Variants in MAML2 observed in about 807,000 individuals in gnomAD.
The protein encoded by MAML2 is mastermind-like protein 2.
In MAML2, 22 loss-of-function variants were observed where a neutral mutation model predicts 96.1. That is an observed-to-expected ratio of 0.23 (90% CI 0.16 to 0.33). The LOEUF is 0.33. Ranked by LOEUF, MAML2 falls within the 10% of genes least tolerant of loss-of-function variation. The pLI, the probability that MAML2 is intolerant of heterozygous loss-of-function variation, is 1.00. For synonymous variants in MAML2, 561 were observed against 521.3 expected (o/e 1.08, Z -1.04); for missense variants, 1,367 against 1,392.4 (o/e 0.98, Z 0.29).
intron 2 of MAML2, among the ~76,000 whole-genome samples, chr11:96,084,776 C>T (rs958621870): frequency 3.9e-5 from 6 of 152,178 alleles, no homozygotes; most frequent in African/African-American, 1.4e-4. Flanking sequence ...ACACACACTC[C>T]TGTGCTCACC....
At chr11:96,169,773 GC>G (rs1389017916) in intron 1 of MAML2, among the ~76,000 whole-genome samples, 3 of 151,488 alleles carry the variant, frequency 2.0e-5, no homozygotes, top group African/African-American at 7.3e-5. Context: ...TCCTGCCTCA[GC>G]CTCCTGAGTA....
chr11:96,187,948 C>G (rs1351631679), intron 1 of MAML2, among the ~76,000 whole-genome samples: 5 of 152,214 alleles, frequency 3.3e-5, no homozygotes, highest in Non-Finnish European at 7.3e-5. Flanking sequence ...CATACTGATT[C>G]ATTCGGCTGG....
Position 96,092,575 on chromosome 11 carries a change from C to T in MAML2, c.1456G>A (p.Gly486Ser). The T allele has an allele frequency of 6.2e-7, 1 of 1,607,538 alleles. No individual in the cohort carries two copies. Among genetic ancestry groups the T allele is most frequent in the Non-Finnish European group, 8.5e-7 (1 of 1,175,320 alleles). The change falls in exon 2 of 5, where the codon GGT becomes AGT. Residue 486 changes from glycine (G) to serine (S), a missense_variant. Transcript: ENST00000524717. This position sits in a 1 kb window ranked among gnomAD's most constrained non-coding sequence, Gnocchi z 4.1. The part of the protein sequence containing the change: ...GQEKIPSPSF[G>S]QQTFSPQSSP... ...CTCTGTGGGCTGAATGTCTGCTGAC[C>T]AAAAGAAGGGCTGGGGATTTTCTCC...
chr11:96,160,187 G>A (rs1192032696), intron 1 of MAML2, among the ~76,000 whole-genome samples: 1 of 152,174 alleles, frequency 6.6e-6, no homozygotes, highest in African/African-American at 2.4e-5. Flanking sequence ...ATGTTTAGAT[G>A]ATCTCACAGA....
intron 1 of MAML2, among the ~76,000 whole-genome samples, chr11:96,293,112 A>G (rs1314931495): frequency 6.6e-6 from 1 of 152,232 alleles, no homozygotes; most frequent in Non-Finnish European, 1.5e-5. Flanking sequence ...AACAACAGCT[A>G]TAAAGTCATG....
intron 1 of MAML2, among the ~76,000 whole-genome samples, chr11:96,252,259 A>G (rs1329032592): frequency 2.6e-5 from 4 of 152,126 alleles, no homozygotes; most frequent in African/African-American, 9.7e-5. Context: ...CTGAAAATGT[A>G]CTACACATTT....
At chr11:96,124,705 CAG>C (rs370542165) in intron 1 of MAML2, among the ~76,000 whole-genome samples, 8 of 150,618 alleles carry the variant, frequency 5.3e-5, no homozygotes, top group Non-Finnish European at 4.4e-5. Flanking sequence ...GTGTGTGAGA[CAG>C]AGAGAGAGAG....
chr11:96,040,979 G>A (rs147754549), intron 2 of MAML2, among the ~76,000 whole-genome samples: 6 of 152,314 alleles, frequency 3.9e-5, no homozygotes, highest in African/African-American at 1.4e-4. Flanking sequence ...GTTGTTGCAT[G>A]TAGTTGTAGA....
At chr11:96,222,323 A>C (rs1196347359) in intron 1 of MAML2, among the ~76,000 whole-genome samples, 2 of 152,220 alleles carry the variant, frequency 1.3e-5, no homozygotes, top group African/African-American at 4.8e-5. Flanking sequence ...ACTGCACAGC[A>C]CTAGCAGTCA....
chr11:96,323,347 G>C (rs114805209), intron 1 of MAML2, among the ~76,000 whole-genome samples: 146 of 152,170 alleles, frequency 9.6e-4, no homozygotes, highest in African/African-American at 3.3e-3. Flanking sequence ...TCTAGCCAAA[G>C]AGAATTTCCC....
chr11:96,113,498 C>G (rs532601548), intron 1 of MAML2, among the ~76,000 whole-genome samples: 9 of 151,442 alleles, frequency 5.9e-5, no homozygotes, highest in African/African-American at 2.2e-4. Flanking sequence ...ACCAGCTTCC[C>G]TGAAGTAGAT....
chr11:96,043,600 C>A (rs923072563), intron 2 of MAML2, among the ~76,000 whole-genome samples: 1 of 152,170 alleles, frequency 6.6e-6, no homozygotes, highest in African/African-American at 2.4e-5. Flanking sequence ...CAGAGGAAGA[C>A]CAGAATCGAT....
chr11:96,110,261 T>C (rs976719301), intron 1 of MAML2, among the ~76,000 whole-genome samples: 5 of 152,214 alleles, frequency 3.3e-5, no homozygotes, highest in African/African-American at 4.8e-5. Context: ...GAGAGGACAG[T>C]GGCTAGAGAG....
At chr11:96,134,582 C>T (rs990825570) in intron 1 of MAML2, among the ~76,000 whole-genome samples, 1 of 152,192 alleles carries the variant, frequency 6.6e-6, no homozygotes, top group Non-Finnish European at 1.5e-5. Flanking sequence ...AGAAGTTTTG[C>T]TGTATGTAAA....
intron 1 of MAML2, among the ~76,000 whole-genome samples, chr11:96,298,162 T>C (rs933063896): frequency 2.0e-5 from 3 of 152,260 alleles, no homozygotes; most frequent in Non-Finnish European, 2.9e-5. Flanking sequence ...GAAAGCAGCA[T>C]AGCTTTTCTG....
chr11:96,113,317 C>A (rs1860164340), intron 1 of MAML2, among the ~76,000 whole-genome samples: 1 of 152,096 alleles, frequency 6.6e-6, no homozygotes, highest in Admixed American at 6.5e-5. Context: ...TGTTTTATTT[C>A]AGACTGCTCT....
At chr11:96,111,776 A>T (rs1234031379) in intron 1 of MAML2, among the ~76,000 whole-genome samples, 4 of 152,226 alleles carry the variant, frequency 2.6e-5, no homozygotes, top group Non-Finnish European at 5.9e-5. Flanking sequence ...TTATTCTGGG[A>T]ATTCAGAGCC....
At chr11:96,288,149 A>G (rs1324263840) in intron 1 of MAML2, among the ~76,000 whole-genome samples, 1 of 152,248 alleles carries the variant, frequency 6.6e-6, no homozygotes, top group Non-Finnish European at 1.5e-5. Flanking sequence ...ATGCAAAAAG[A>G]AACAGAAGTA....
chr11:96,324,858 C>T (rs1863753333), intron 1 of MAML2, among the ~76,000 whole-genome samples: 1 of 152,100 alleles, frequency 6.6e-6, no homozygotes, highest in Non-Finnish European at 1.5e-5. Flanking sequence ...AATTCAAGAT[C>T]AAGTTTCTCT....
Sources: gnomAD v4.1 joint callset for allele counts (sites outside exome capture counted in the v4.1 genomes callset) on GRCh38, gnomAD v4.1.1 for gene constraint, Gnocchi (gnomAD v3.1) non-coding constraint, MANE v1.5 for transcripts, NCBI Gene and HGNC (gene_info 2026-07-23, HGNC 2026-07-21) for gene names.